Variants in COL19A1 observed in about 807,000 individuals in gnomAD.
COL19A1 encodes collagen type XIX alpha 1 chain, also known as collagen alpha-1(XIX) chain.
In COL19A1, 159 loss-of-function variants were observed where a neutral mutation model predicts 190.2. That is an observed-to-expected ratio of 0.84 (90% CI 0.73 to 0.95). COL19A1 has a LOEUF of 0.95. Ranked by LOEUF, COL19A1 falls within the 40% of genes least tolerant of loss-of-function variation. The pLI, the probability that COL19A1 is intolerant of heterozygous loss-of-function variation, is 0.00. For synonymous variants in COL19A1, 509 were observed against 458.9 expected (o/e 1.11, Z -1.39); for missense variants, 1,418 against 1,431.9 (o/e 0.99, Z 0.16).
intron 5 of COL19A1, among the ~76,000 whole-genome samples, chr6:69,928,587 A>G (rs1283398173): frequency 6.6e-6 from 1 of 152,168 alleles, no homozygotes; most frequent in Non-Finnish European, 1.5e-5. Flanking sequence ...GAACAACATA[A>G]TATAGCATAA....
intron 11 of COL19A1, among the ~76,000 whole-genome samples, chr6:69,966,827 G>A (rs971715351): frequency 5.3e-5 from 8 of 150,292 alleles, no homozygotes; most frequent in East Asian, 3.9e-4. Context: ...ATTCATTCAC[G>A]TGCTCTTCAC....
intron 11 of COL19A1, among the ~76,000 whole-genome samples, chr6:69,989,665 A>G (rs934110588): frequency 1.3e-5 from 2 of 150,716 alleles, no homozygotes; most frequent in African/African-American, 4.9e-5. Context: ...ATTGGACACC[A>G]CTGATCTAGA....
chr6:69,953,622 A>G (rs974364437), intron 9 of COL19A1, among the ~76,000 whole-genome samples: 2 of 152,006 alleles, frequency 1.3e-5, no homozygotes, highest in African/African-American at 4.8e-5. Flanking sequence ...ATGGTTTCTT[A>G]TTCCCTTCTA....
intron 1 of COL19A1, among the ~76,000 whole-genome samples, chr6:69,868,700 C>G (rs1767634095): frequency 6.6e-6 from 1 of 152,176 alleles, no homozygotes; most frequent in Non-Finnish European, 1.5e-5. Flanking sequence ...GGGACATCAT[C>G]TCTATATCTG....
chr6:69,936,667 G>A (rs746548985), intron 7 of COL19A1, 118 bp from the exon 8 acceptor site: 1 of 1,327,572 alleles, frequency 7.5e-7, no homozygotes, highest in Non-Finnish European at 1.0e-6. Context: ...CTTTTGGTTA[G>A]TAAGAAGCAG....
At chr6:70,165,917 G>C (rs539546633) in intron 36 of COL19A1, 24 bp from the exon 37 acceptor site, 5 of 1,612,284 alleles carry the variant, frequency 3.1e-6, no homozygotes, top group Non-Finnish European at 4.2e-6. Context: ...CTACGCCGCT[G>C]ATATGTCTAT....
chr6:70,040,403 T>C (rs1582755239), intron 14 of COL19A1, among the ~76,000 whole-genome samples: 1 of 152,324 alleles, frequency 6.6e-6, no homozygotes, highest in East Asian at 1.9e-4. Context: ...CAATAGCTTT[T>C]ACCCTTTATT....
In COL19A1 at chr6:69,977,071, T is replaced by C. The variant is rs142130364; in HGVS notation, c.1026+14201T>C. ...AGCCATCCCATTACTGGGTATATAC[T>C]CAAAGGATTATAAATCATGCTGCTA... is the stretch of plus-strand genomic sequence containing the variant. On this transcript the variant is annotated intron_variant, in intron 11 of 50. Coordinates refer to ENST00000620364, the MANE Select transcript of COL19A1 (RefSeq NM_001858.6). 2.3e-3 allele frequency among the ~76,000 whole-genome samples: 346 copies of C among 152,260 alleles called. 3 individuals are homozygous for C. Among genetic ancestry groups the C allele is most frequent in the African/African-American group, 7.9e-3 (329 of 41,546 alleles).
chr6:69,899,008 A>G lies in COL19A1; in HGVS notation c.152A>G (p.Lys51Arg). 1 of 1,609,786 alleles carries G rather than the reference A, an allele frequency of 6.2e-7. No homozygotes were observed. The highest frequency in any genetic ancestry group is 2.2e-5 in the East Asian group (1 of 44,750). Residue 51 changes from lysine to arginine, a missense_variant, in exon 3 of 51, where the codon AAA becomes AGA. Physicochemically the swap from Lys to Arg is conservative, Grantham distance 26. Coordinates refer to ENST00000620364, the MANE Select transcript of COL19A1 (RefSeq NM_001858.6). Reference protein sequence around the residue: ...GHQLTYDNINKLEVSGFDLGD... With the variant: ...GHQLTYDNINRLEVSGFDLGD... ...CAGCTGACATATGACAACATAAACAAACTTGAAGTTTCAGGTAGGCAATAT... is the reference window on the plus strand; with the variant it reads ...CAGCTGACATATGACAACATAAACAGACTTGAAGTTTCAGGTAGGCAATAT...
At chr6:70,021,960 T>C (rs1007826728) in intron 11 of COL19A1, among the ~76,000 whole-genome samples, 1 of 152,222 alleles carries the variant, frequency 6.6e-6, no homozygotes, top group African/African-American at 2.4e-5. Context: ...GCAGTTTTGT[T>C]TGTTTTGTAT....
intron 12 of COL19A1, among the ~76,000 whole-genome samples, chr6:70,033,544 A>G (rs1779184768): frequency 6.6e-6 from 1 of 152,128 alleles, no homozygotes; most frequent in Non-Finnish European, 1.5e-5. Flanking sequence ...CTCTGGTACA[A>G]TCTATTGTGG....
At chr6:70,132,094 T>C (rs1365023485) in intron 18 of COL19A1, among the ~76,000 whole-genome samples, 1 of 152,048 alleles carries the variant, frequency 6.6e-6, no homozygotes, top group African/African-American at 2.4e-5. Flanking sequence ...AAATTGCCAA[T>C]AAACAATGCA....
intron 11 of COL19A1, among the ~76,000 whole-genome samples, chr6:69,977,744 A>G (rs1775802944): frequency 6.6e-6 from 1 of 152,142 alleles, no homozygotes; most frequent in Admixed American, 6.5e-5. Flanking sequence ...TGTGGCCTCT[A>G]TCTAGGTTTA....
chr6:70,130,364 T>TA, intron 18 of COL19A1, 141 bp downstream of exon 18: 1 of 625,158 alleles, frequency 1.6e-6, no homozygotes, highest in Non-Finnish European at 2.8e-6. Flanking sequence ...TAGCTGGGAT[T>TA]ACAGGCATGT....
chr6:70,114,719 C>A (rs987324538), intron 16 of COL19A1, among the ~76,000 whole-genome samples: 2 of 151,938 alleles, frequency 1.3e-5, no homozygotes, highest in Admixed American at 1.3e-4. Flanking sequence ...TGCTTGGCTC[C>A]CCTCCTTCCT....
chr6:70,190,591 C>G (rs1253033634), intron 48 of COL19A1, among the ~76,000 whole-genome samples: 1 of 152,166 alleles, frequency 6.6e-6, no homozygotes, highest in African/African-American at 2.4e-5. Flanking sequence ...TTCATTATAC[C>G]TGGTCTGTAA....
chr6:70,123,655 T>G (rs1242643371), intron 17 of COL19A1, among the ~76,000 whole-genome samples: 62 of 144,190 alleles, frequency 4.3e-4, no homozygotes, highest in African/African-American at 1.6e-3. Flanking sequence ...CATGTCCTTG[T>G]TAGGGACATG....
At chr6:70,064,337 T>C (rs1562135118) in intron 14 of COL19A1, among the ~76,000 whole-genome samples, 1 of 150,652 alleles carries the variant, frequency 6.6e-6, no homozygotes, top group Non-Finnish European at 1.5e-5. Context: ...ACAAATCATA[T>C]AAACAGAACC....
intron 14 of COL19A1, chr6:70,059,724 T>C (rs1363663769): frequency 4.2e-6 from 2 of 472,770 alleles, no homozygotes; most frequent in African/African-American, 2.1e-5. Context: ...GGAAAATGAA[T>C]ACCTATGTAG....
Sources: allele counts gnomAD v4.1 joint callset (sites outside exome capture counted in the v4.1 genomes callset), GRCh38; gene constraint gnomAD v4.1.1; transcripts MANE v1.5; gene names NCBI Gene and HGNC (gene_info 2026-07-23, HGNC 2026-07-21).